Variants in ZC3H7A observed in about 807,000 individuals in gnomAD.
ZC3H7A encodes the protein zinc finger CCCH domain-containing protein 7A.
ZC3H7A carries 44 observed loss-of-function variants against 125.5 expected under a neutral mutation model. The observed-to-expected ratio is 0.35, with a 90% CI of 0.28 to 0.45. The LOEUF (loss-of-function observed/expected upper bound fraction) is 0.45, where lower values mean the gene tolerates loss of function less well. ZC3H7A is among the 20% of genes least tolerant of loss of function. The pLI is 1.00. For missense variants in ZC3H7A, 977 were observed against 1,170.7 expected, an observed-to-expected ratio of 0.83 and a Z score of 2.41; for synonymous variants, 399 against 391.2, an observed-to-expected ratio of 1.02 and a Z score of -0.23.
intron 1 of ZC3H7A, chr16:11,796,142 T>C (rs920303646): frequency 1.3e-5 from 2 of 152,242 alleles, no homozygotes; most frequent in African/African-American, 4.8e-5. Flanking sequence ...CAAGATTAAT[T>C]TTAATGATCT....
chr16:11,790,598 G>A (rs1261802014), intron 1 of ZC3H7A, among the ~76,000 whole-genome samples: 2 of 152,006 alleles, frequency 1.3e-5, no homozygotes, highest in African/African-American at 4.8e-5. Flanking sequence ...GGAGTGCAAT[G>A]GCACGATCTC....
At chr16:11,781,781 G>A (rs1036389664) in intron 2 of ZC3H7A, among the ~76,000 whole-genome samples, 4 of 151,874 alleles carry the variant, frequency 2.6e-5, no homozygotes, top group Non-Finnish European at 4.4e-5. Flanking sequence ...AAATAGTACA[G>A]AGCCACTAAC....
chr16:11,762,659 A>G lies in ZC3H7A; in HGVS notation c.2079+12T>C. 1 of 1,613,750 alleles carries G rather than the reference A, an allele frequency of 6.2e-7. No individual in the cohort carries two copies. The highest frequency in any genetic ancestry group is 1.6e-4 in the Middle Eastern group (1 of 6,062). ...GGACACCAAATGCAGAAAGTACACAAGAGAAAAATACCTGCGCTCCAGGTA... is the reference window on the plus strand; with the variant it reads ...GGACACCAAATGCAGAAAGTACACAGGAGAAAAATACCTGCGCTCCAGGTA... On this transcript the variant is annotated intron_variant, in intron 17 of 22. Coordinates refer to ENST00000355758, the MANE Select transcript of ZC3H7A (RefSeq NM_014153.4).
chr16:11,770,135 C>T (rs2052953873), intron 10 of ZC3H7A, among the ~76,000 whole-genome samples: 1 of 152,044 alleles, frequency 6.6e-6, no homozygotes, highest in African/African-American at 2.4e-5. Flanking sequence ...CTCTGCCCTT[C>T]TGTCTCCCAT....
At chr16:11,763,707 TC>T (rs2052794220) in intron 15 of ZC3H7A, 48 bp from the exon 16 acceptor site, 4 of 367,082 alleles carry the variant, frequency 1.1e-5, no homozygotes, top group East Asian at 6.5e-5. Context: ...CATAGATTTT[TC>T]AAATATATAT....
chr16:11,779,657 G>A (rs1461578799), intron 3 of ZC3H7A, among the ~76,000 whole-genome samples: 1 of 152,180 alleles, frequency 6.6e-6, no homozygotes, highest in African/African-American at 2.4e-5. Flanking sequence ...CCAAGTGGAA[G>A]CCCCAAGTCA....
intron 9 of ZC3H7A, among the ~76,000 whole-genome samples, chr16:11,772,053 G>A (rs949506039): frequency 1.3e-5 from 2 of 151,870 alleles, no homozygotes; most frequent in East Asian, 2.0e-4. Flanking sequence ...AAAATTAGCC[G>A]GGCGTGGTAG....
chr16:11,786,101 C>T (rs988057681), intron 1 of ZC3H7A, among the ~76,000 whole-genome samples: 8 of 152,062 alleles, frequency 5.3e-5, no homozygotes, highest in South Asian at 4.1e-4. Flanking sequence ...TTTGGAGCCA[C>T]GTAAATGAAT....
In ZC3H7A at chr16:11,763,610, G is replaced by A. The variant is rs1262370716; in HGVS notation, c.1870C>T (p.Arg624Cys). The A allele has an allele frequency of 1.2e-6, 2 of 1,605,940 alleles. No individual in the cohort carries two copies. The highest frequency in any genetic ancestry group is 8.5e-7 in the Non-Finnish European group (1 of 1,175,808). The stretch of plus-strand genomic sequence containing the variant: ...AGCTGACACTGACCATGAAAAGAAC[G>A]TATTTTGGAGTATTTTACTGTTGTC... The part of the protein sequence containing the change: ...RETTVKYSKI[R>C]SFHGQCQLDL... The change falls in exon 16 of 23, where the codon CGT becomes TGT. Residue 624 changes from arginine to cysteine, a missense_variant. By Grantham distance (180) the Arg-to-Cys change is radical (BLOSUM62 -3). This residue lies in a region of ZC3H7A where 436 missense variants were observed against 603.2 expected (regional missense o/e 0.72). Coordinates refer to ENST00000355758, the MANE Select transcript of ZC3H7A (RefSeq NM_014153.4).
chr16:11,788,612 CTTTCTTT>C (rs1342940807), intron 1 of ZC3H7A, among the ~76,000 whole-genome samples: 3 of 148,014 alleles, frequency 2.0e-5, no homozygotes, highest in Non-Finnish European at 3.0e-5. Context: ...TCTTTTTTTT[CTTTCTTT>C]TTTTTTTTTT....
rs959792504 is a variant in ZC3H7A, at chr16:11,789,794, G to C, written c.-35+7330C>G. Among the ~76,000 whole-genome samples, 9 of 152,024 alleles carry C rather than the reference G, an allele frequency of 5.9e-5. No individual in the cohort carries two copies. The Middle Eastern group carries it at 0.014, about 230-fold the overall frequency. ...AGTATCCCTTTAAAGAACTTTTATA[G>C]GATAGGCCAGCCATGGTGGCTCACA... On this transcript the variant is annotated intron_variant, in intron 1 of 22. Coordinates refer to ENST00000355758, the MANE Select transcript of ZC3H7A (RefSeq NM_014153.4).
chr16:11,767,701 T>C, intron 12 of ZC3H7A, 123 bp from the exon 13 acceptor site: 1 of 966,904 alleles, frequency 1.0e-6, no homozygotes, highest in South Asian at 2.1e-5. Flanking sequence ...GAAATCCCAC[T>C]TCCACAACCC....
In ZC3H7A at chr16:11,765,166, G is replaced by A. The variant is rs780165274; in HGVS notation, c.1720-13C>T. On this transcript the variant is annotated splice_polypyrimidine_tract_variant and intron_variant, in intron 14 of 22. Transcript: ENST00000355758. The surrounding 1 kb of genome is among the most constrained non-coding windows in gnomAD (Gnocchi z 4.8). Reference sequence around the variant, plus strand: ...GATCAAAACATTTCTGGAATAGAGAGAGAAAGATTATCAAAAAAAATACAA... The same window carrying A: ...GATCAAAACATTTCTGGAATAGAGAAAGAAAGATTATCAAAAAAAATACAA... 1.2e-5 allele frequency: 18 copies of A among 1,449,722 alleles called. 1 individual carries two copies. In the South Asian group the frequency reaches 2.4e-4, roughly 19 times the overall value. 89.8% of individuals were successfully genotyped at this position (1,449,722 alleles called of 1,614,324 possible).
At chr16:11,793,761 T>A (rs2053389783) in intron 1 of ZC3H7A, among the ~76,000 whole-genome samples, 1 of 152,196 alleles carries the variant, frequency 6.6e-6, no homozygotes, top group South Asian at 2.1e-4. Context: ...CAAACCCAGA[T>A]GATAAGACAT....
In ZC3H7A at chr16:11,761,202, C is replaced by T. The variant is rs34589847; in HGVS notation, c.2319+204G>A. On this transcript the variant is annotated intron_variant, in intron 19 of 22. Coordinates refer to ENST00000355758, the MANE Select transcript of ZC3H7A (RefSeq NM_014153.4). ...CTATCTATTTACTTTTTCCAAGTAACTCATAAAATTCCAATCAATATGAAA... is the reference window on the plus strand; with the variant it reads ...CTATCTATTTACTTTTTCCAAGTAATTCATAAAATTCCAATCAATATGAAA... Among the ~76,000 whole-genome samples, 688 of 152,220 alleles carry T rather than the reference C, an allele frequency of 4.5e-3. 6 individuals carry two copies. The highest frequency in any genetic ancestry group is 0.014 in the Middle Eastern group (4 of 294).
In ZC3H7A at chr16:11,751,417, G is replaced by A; in HGVS notation, c.2816C>T (p.Ala939Val). ...ELHEWEERRD[A>V]LKMKLNKARK... is the part of the protein sequence containing the mutation. ...TGCTTTGTTGAGCTTCATCTTTAGG[G>A]CATCTCTTCTTTCTTCCCATTCATG... is the stretch of plus-strand genomic sequence containing the variant. The change falls in exon 23 of 23, where the codon GCC becomes GTC. Residue 939 changes from alanine to valine, a missense_variant. This residue lies in a region of ZC3H7A where 436 missense variants were observed against 603.2 expected (regional missense o/e 0.72). Coordinates refer to ENST00000355758, the MANE Select transcript of ZC3H7A (RefSeq NM_014153.4). 2 of 1,614,084 alleles carry A rather than the reference G, an allele frequency of 1.2e-6. No homozygotes were observed. The highest frequency in any genetic ancestry group is 1.3e-5 in the African/African-American group (1 of 75,012).
intron 1 of ZC3H7A, among the ~76,000 whole-genome samples, chr16:11,788,608 TTTTC>T (rs888097169): frequency 1.1e-4 from 16 of 151,328 alleles, no homozygotes; most frequent in African/African-American, 2.9e-4. Context: ...GCTTTCTTTT[TTTTC>T]TTTCTTTTTT....
chr16:11,786,411 T>A (rs1214572942), intron 1 of ZC3H7A, among the ~76,000 whole-genome samples: 3 of 152,134 alleles, frequency 2.0e-5, no homozygotes, highest in South Asian at 4.1e-4. Context: ...AGGGAATTGG[T>A]TTGAGGTTGA....
chr16:11,763,166 G>A (rs2052781358), intron 16 of ZC3H7A: 1 of 250,806 alleles, frequency 4.0e-6, no homozygotes. Context: ...GGAGCGTAGT[G>A]TTGTGATCCT....
Sources: gnomAD v4.1 joint callset for allele counts (sites outside exome capture counted in the v4.1 genomes callset) on GRCh38, gnomAD v4.1.1 for gene constraint, gnomAD v4.1.1 regional missense constraint, Gnocchi (gnomAD v3.1) non-coding constraint, MANE v1.5 for transcripts, NCBI Gene and HGNC (gene_info 2026-07-23, HGNC 2026-07-21) for gene names.